Variants in SLCO6A1 observed in about 807,000 individuals in gnomAD.
The protein encoded by SLCO6A1 is solute carrier organic anion transporter family member 6A1.
A neutral mutation model predicts 72.7 loss-of-function variants in SLCO6A1; 65 were observed. That is an observed-to-expected ratio of 0.89 (90% CI 0.73 to 1.10). SLCO6A1 has a LOEUF of 1.10. Among genes scored for constraint, SLCO6A1 ranks in the 50% least tolerant of loss-of-function variants. The pLI, the probability that SLCO6A1 is intolerant of heterozygous loss-of-function variation, is 0.00. For synonymous variants in SLCO6A1, 314 were observed against 298.2 expected, an observed-to-expected ratio of 1.05 and a Z score of -0.55; for missense variants, 874 against 872.6, an observed-to-expected ratio of 1.00 and a Z score of -0.02.
intron 6 of SLCO6A1, among the ~76,000 whole-genome samples, chr5:102,457,283 A>G (rs1399019161): frequency 1.2e-5 from 1 of 84,174 alleles, no homozygotes; most frequent in Non-Finnish European, 2.6e-5. Context: ...GCTTCTCCAC[A>G]GCAAAAGAAA....
rs1328784111 is a variant in SLCO6A1 at position 102,458,381 on chromosome 5, C to A, written c.1131+1G>T. 2 of 1,597,052 alleles carry A rather than the reference C, an allele frequency of 1.3e-6. No homozygotes were observed. Among genetic ancestry groups the A allele is most frequent in the East Asian group, 2.2e-5 (1 of 44,668 alleles). On this transcript the variant is annotated splice_donor_variant, in intron 6 of 13. Transcript: ENST00000506729. LOFTEE classifies it high-confidence loss of function. Reference sequence around the variant, plus strand: ...TGTTCAAGTAAAATATTTTACTTTACCCAAAGAGCAGCACATAAATCCTTG... The same window carrying A: ...TGTTCAAGTAAAATATTTTACTTTAACCAAAGAGCAGCACATAAATCCTTG...
chr5:102,390,042 C>A (rs576120235), intron 11 of SLCO6A1, among the ~76,000 whole-genome samples: 2 of 152,074 alleles, frequency 1.3e-5, no homozygotes, highest in Admixed American at 6.6e-5. Context: ...TGTGCCTAGC[C>A]GGGGTTATCT....
At chr5:102,401,472 T>A (rs568268153) in intron 9 of SLCO6A1, among the ~76,000 whole-genome samples, 9 of 152,262 alleles carry the variant, frequency 5.9e-5, no homozygotes, top group Non-Finnish European at 8.8e-5. Flanking sequence ...ACTTTTGAAA[T>A]ATGTAGGCAA....
At chr5:102,408,497 A>G (rs1747796704) in intron 9 of SLCO6A1, among the ~76,000 whole-genome samples, 1 of 152,186 alleles carries the variant, frequency 6.6e-6, no homozygotes, top group Admixed American at 6.5e-5. Flanking sequence ...AGCCACATCA[A>G]AGTAAAACTT....
chr5:102,412,494 A>G (rs1288210903), intron 9 of SLCO6A1, among the ~76,000 whole-genome samples: 2 of 152,144 alleles, frequency 1.3e-5, no homozygotes, highest in East Asian at 3.9e-4. Context: ...GGTGACTCAC[A>G]TCTATAATCC....
At chr5:102,473,046 A>C (rs539243414) in intron 4 of SLCO6A1, among the ~76,000 whole-genome samples, 424 of 152,174 alleles carry the variant, frequency 2.8e-3, no homozygotes, top group Non-Finnish European at 4.8e-3. Flanking sequence ...ACCGTACCAA[A>C]TATTTCAATA....
intron 12 of SLCO6A1, among the ~76,000 whole-genome samples, chr5:102,378,011 A>G (rs1322688154): frequency 6.6e-6 from 1 of 151,322 alleles, no homozygotes; most frequent in African/African-American, 2.4e-5. Context: ...TATTTATATA[A>G]TTTCAAATTT....
At chr5:102,430,867 T>C (rs1749177535) in intron 7 of SLCO6A1, among the ~76,000 whole-genome samples, 1 of 152,134 alleles carries the variant, frequency 6.6e-6, no homozygotes, top group African/African-American at 2.4e-5. Context: ...TTAGTAGTAA[T>C]GACACCAGCT....
At chr5:102,402,773 T>G (rs1189378050) in intron 9 of SLCO6A1, among the ~76,000 whole-genome samples, 1 of 152,218 alleles carries the variant, frequency 6.6e-6, no homozygotes, top group African/African-American at 2.4e-5. Flanking sequence ...ATGATCCCAC[T>G]TGTTAATACC....
intron 6 of SLCO6A1, among the ~76,000 whole-genome samples, chr5:102,456,930 C>G (rs564527732): frequency 8.5e-5 from 13 of 152,136 alleles, no homozygotes; most frequent in South Asian, 4.2e-4. Context: ...CAGAACAGAG[C>G]CCTCAGAAAT....
chr5:102,430,128 T>C (rs1749132904), intron 7 of SLCO6A1, among the ~76,000 whole-genome samples: 1 of 152,094 alleles, frequency 6.6e-6, no homozygotes, highest in South Asian at 2.1e-4. Context: ...TATAGAAATA[T>C]TATTGATTTT....
At chr5:102,495,678 T>C (rs1752878774) in intron 1 of SLCO6A1, among the ~76,000 whole-genome samples, 1 of 152,116 alleles carries the variant, frequency 6.6e-6, no homozygotes, top group Non-Finnish European at 1.5e-5. Flanking sequence ...CTGTACATAT[T>C]TACTAAAACT....
intron 9 of SLCO6A1, among the ~76,000 whole-genome samples, chr5:102,411,037 G>C (rs530908391): frequency 6.6e-6 from 1 of 152,162 alleles, no homozygotes; most frequent in Non-Finnish European, 1.5e-5. Context: ...CAATCTCTAG[G>C]TGTGGAAAAG....
At position 102,458,458 on chromosome 5, in the gene SLCO6A1, T is replaced by C; in HGVS notation, c.1055A>G (p.Gln352Arg). 1 of 1,612,876 alleles carries C rather than the reference T, an allele frequency of 6.2e-7. No individual in the cohort carries two copies. Among genetic ancestry groups the C allele is most frequent in the African/African-American group, 1.3e-5 (1 of 75,010 alleles). ...AAGTCTGCTGTCAAAAAAATGAAGC[T>C]GTTTACGTTTCCTAGCTTTTATCCG... The part of the protein sequence containing the change: ...STRIKARKRK[Q>R]LHFFDSRLKD... Residue 352 changes from glutamine (Q) to arginine (R), a missense_variant, in exon 6 of 14, where the codon CAG (glutamine) becomes CGG (arginine). By Grantham distance (43) the Gln-to-Arg change is conservative. Coordinates refer to ENST00000506729, the MANE Select transcript of SLCO6A1 (RefSeq NM_173488.5).
intron 9 of SLCO6A1, among the ~76,000 whole-genome samples, chr5:102,400,566 A>C (rs1004994953): frequency 6.6e-6 from 1 of 152,098 alleles, no homozygotes; most frequent in Non-Finnish European, 1.5e-5. Context: ...AAGGAGAATT[A>C]AACAGAGTTT....
At chr5:102,454,984 A>G (rs921249248) in intron 6 of SLCO6A1, among the ~76,000 whole-genome samples, 4 of 142,756 alleles carry the variant, frequency 2.8e-5, no homozygotes, top group African/African-American at 1.0e-4. Context: ...TTAGGATTAA[A>G]CCAGTATAAC....
intron 6 of SLCO6A1, among the ~76,000 whole-genome samples, chr5:102,450,033 T>C (rs1395122586): frequency 1.3e-5 from 2 of 152,224 alleles, no homozygotes; most frequent in Non-Finnish European, 2.9e-5. Flanking sequence ...ATCACTTTCA[T>C]CATTTTACTG....
At chr5:102,415,558 C>T (rs1748237281) in intron 8 of SLCO6A1, among the ~76,000 whole-genome samples, 1 of 152,030 alleles carries the variant, frequency 6.6e-6, no homozygotes, top group African/African-American at 2.4e-5. Flanking sequence ...AAAAAGCACT[C>T]AACATGGATT....
chr5:102,391,816 T>C (rs1457011240), intron 10 of SLCO6A1, among the ~76,000 whole-genome samples: 2 of 151,876 alleles, frequency 1.3e-5, no homozygotes, highest in Non-Finnish European at 2.9e-5. Flanking sequence ...ACACTCACTA[T>C]TTAAAAGCTA....
Sources: allele counts gnomAD v4.1 joint callset (sites outside exome capture counted in the v4.1 genomes callset), GRCh38; gene constraint gnomAD v4.1.1; transcripts MANE v1.5; gene names NCBI Gene and HGNC (gene_info 2026-07-23, HGNC 2026-07-21).